SLC39A11: variants seen among roughly 807,000 people sequenced by gnomAD.
The protein encoded by SLC39A11 is solute carrier family 39 member 11.
SLC39A11 carries 33 observed loss-of-function variants against 36.1 expected under a neutral mutation model. The observed-to-expected ratio is 0.91, with a 90% CI of 0.69 to 1.22. The LOEUF (loss-of-function observed/expected upper bound fraction) is 1.22. Among genes scored for constraint, SLC39A11 ranks in the 50% most tolerant of loss-of-function variants. The pLI is 0.00. For synonymous variants in SLC39A11, 166 were observed against 170.3 expected (o/e 0.97, Z 0.20); for missense variants, 432 against 430.3 (o/e 1.00, Z -0.03).
At chr17:72,820,931 G>A (rs1274982054) in intron 6 of SLC39A11, among the ~76,000 whole-genome samples, 1 of 150,876 alleles carries the variant, frequency 6.6e-6, no homozygotes, top group Non-Finnish European at 1.5e-5. Flanking sequence ...AGAATAGCAG[G>A]GCCTTGGAAT....
chr17:72,966,213 C>A (rs1432250234), intron 4 of SLC39A11, among the ~76,000 whole-genome samples: 1 of 152,200 alleles, frequency 6.6e-6, no homozygotes, highest in Admixed American at 6.5e-5. Context: ...GTCAGAGGTT[C>A]CCTGTGGGAA....
At chr17:72,716,598 T>G (rs2073376203) in intron 7 of SLC39A11, among the ~76,000 whole-genome samples, 2 of 151,300 alleles carry the variant, frequency 1.3e-5, no homozygotes, top group African/African-American at 4.9e-5. Flanking sequence ...TTTAACCCAC[T>G]CCTGAAATAA....
intron 7 of SLC39A11, among the ~76,000 whole-genome samples, chr17:72,708,664 C>G (rs77440245): frequency 0.025 from 3,828 of 152,318 alleles, 139 homozygotes; most frequent in African/African-American, 0.084. Flanking sequence ...CTTCTACAAT[C>G]TCTCTGCCCT....
At chr17:72,656,412 G>A (rs1012422440) in intron 7 of SLC39A11, among the ~76,000 whole-genome samples, 1 of 152,124 alleles carries the variant, frequency 6.6e-6, no homozygotes, top group Non-Finnish European at 1.5e-5. Flanking sequence ...ACCTGTCACC[G>A]GAGCCTGACT....
Position 72,729,457 on chromosome 17 carries a change from A to ATTTT in SLC39A11, c.671+7189_671+7192dup, listed in dbSNP as rs55729197. Among the ~76,000 whole-genome samples the ATTTT allele has an allele frequency of 9.7e-4, 7 of 7,240 alleles. No homozygotes were observed. In the Admixed American group the frequency reaches 0.01, roughly 10 times the overall value. 4.7% of individuals were successfully genotyped at this position (7,240 alleles called of 152,430 possible). A position where few individuals can be genotyped will look rare whatever the true frequency, so the allele number is the denominator to read the frequency against. On this transcript the variant is annotated intron_variant, in intron 7 of 9. Transcript: ENST00000255559. The stretch of plus-strand genomic sequence containing the variant: ...TATATATATATATATATATATATAT[A>ATTTT]TTTTTTTTTTTTTTTTTTTTTGTAG...
At chr17:73,003,154 C>A (rs1028029839) in intron 4 of SLC39A11, among the ~76,000 whole-genome samples, 1 of 152,190 alleles carries the variant, frequency 6.6e-6, no homozygotes, top group African/African-American at 2.4e-5. Context: ...GCTTCCCAAG[C>A]CCAGACACCT....
intron 6 of SLC39A11, among the ~76,000 whole-genome samples, chr17:72,784,660 T>C (rs531016757): frequency 6.6e-6 from 1 of 152,060 alleles, no homozygotes; most frequent in South Asian, 2.1e-4. Context: ...TCACGAGAGC[T>C]GGTTGTTTAA....
Position 72,648,921 on chromosome 17 carries a change from C to A in SLC39A11, c.811G>T (p.Val271Phe), listed in dbSNP as rs1372633029. Residue 271 changes from valine to phenylalanine, a missense_variant, in exon 9 of 10, where the codon GTC (valine) becomes TTC (phenylalanine). Val to Phe is a conservative substitution (Grantham distance 50). Coordinates refer to ENST00000255559, the MANE Select transcript of SLC39A11 (RefSeq NM_139177.4). ...AGCACCACGGCAAAGGCACCAAAGACCCCGGCCAGGGGCTCCACCATGCCG... is the reference window on the plus strand; with the variant it reads ...AGCACCACGGCAAAGGCACCAAAGAACCCGGCCAGGGGCTCCACCATGCCG... ...LSGMVEPLAG[V>F]FGAFAVVLAE... 3.1e-6 allele frequency: 5 copies of A among 1,613,848 alleles called. No homozygotes were observed. Among genetic ancestry groups the A allele is most frequent in the African/African-American group, 1.3e-5 (1 of 74,940 alleles).
intron 6 of SLC39A11, among the ~76,000 whole-genome samples, chr17:72,753,131 T>C (rs906336851): frequency 2.0e-5 from 3 of 152,240 alleles, no homozygotes; most frequent in South Asian, 2.1e-4. Flanking sequence ...GTGCTGGGAT[T>C]ACAGGCATGA....
chr17:72,913,264 C>T (rs1045884482), intron 5 of SLC39A11, among the ~76,000 whole-genome samples: 4 of 151,748 alleles, frequency 2.6e-5, no homozygotes, highest in South Asian at 2.1e-4. Flanking sequence ...TGAAAGAAGT[C>T]GACACAGCGG....
chr17:72,737,745 C>T (rs1290030831), intron 6 of SLC39A11, among the ~76,000 whole-genome samples: 3 of 152,142 alleles, frequency 2.0e-5, no homozygotes, highest in Non-Finnish European at 2.9e-5. Context: ...GAACATCTTT[C>T]CCAGCATCCC....
At chr17:72,966,714 C>T (rs1015918064) in intron 4 of SLC39A11, among the ~76,000 whole-genome samples, 4 of 152,128 alleles carry the variant, frequency 2.6e-5, no homozygotes, top group South Asian at 2.1e-4. Context: ...GGACTACAGG[C>T]GCCCGCCACC....
chr17:72,767,272 C>T (rs1555664267), intron 6 of SLC39A11, among the ~76,000 whole-genome samples: 1 of 152,186 alleles, frequency 6.6e-6, no homozygotes, highest in Non-Finnish European at 1.5e-5. Context: ...AGTATTTACT[C>T]AGCACCTACA....
At chr17:72,810,970 A>C (rs918441220) in intron 6 of SLC39A11, among the ~76,000 whole-genome samples, 5 of 152,150 alleles carry the variant, frequency 3.3e-5, no homozygotes, top group Non-Finnish European at 7.3e-5. Context: ...CTGGGATTAC[A>C]GGCGTGAGCC....
chr17:73,026,200 G>GAAGA (rs1555683108), intron 4 of SLC39A11, among the ~76,000 whole-genome samples: 5,093 of 126,996 alleles, frequency 0.04, 582 homozygotes, highest in Admixed American at 0.065. Context: ...AGAAGAGAAG[G>GAAGA]GAAGAGAAGA....
rs2071353004 is a variant in SLC39A11, at chr17:72,678,096, T to C, written c.672-28828A>G. Among the ~76,000 whole-genome samples, 3 of 152,216 alleles carry C rather than the reference T, an allele frequency of 2.0e-5. No homozygotes were observed. The South Asian group carries it at 6.2e-4, about 32-fold the overall frequency. ...CCATGTTTCAATGGCATTTTGGGCA[T>C]ACAAAAAATTTATAACTTTCCTGAG... On this transcript the variant is annotated intron_variant, in intron 7 of 9. Coordinates refer to ENST00000255559, the MANE Select transcript of SLC39A11 (RefSeq NM_139177.4).
intron 3 of SLC39A11, among the ~76,000 whole-genome samples, chr17:73,058,709 C>A (rs535679789): frequency 1.3e-5 from 2 of 152,106 alleles, no homozygotes; most frequent in East Asian, 3.9e-4. Context: ...GCTGACAGAG[C>A]GAAACTCTGT....
At chr17:72,703,569 G>A (rs758482547) in intron 7 of SLC39A11, among the ~76,000 whole-genome samples, 5 of 152,302 alleles carry the variant, frequency 3.3e-5, no homozygotes, top group Non-Finnish European at 7.3e-5. Context: ...AACACACAGA[G>A]TAAGGTTTCC....
intron 6 of SLC39A11, among the ~76,000 whole-genome samples, chr17:72,832,022 C>T (rs1180073366): frequency 1.3e-5 from 2 of 152,156 alleles, no homozygotes; most frequent in African/African-American, 4.8e-5. Flanking sequence ...AGTTACCATG[C>T]TCTAGTAAAC....
Sources: gnomAD v4.1 joint callset for allele counts (sites outside exome capture counted in the v4.1 genomes callset) on GRCh38, gnomAD v4.1.1 for gene constraint, MANE v1.5 for transcripts, NCBI Gene and HGNC (gene_info 2026-07-23, HGNC 2026-07-21) for gene names.